The following RRBP1 variants were observed in gnomAD, a reference collection of about 807,000 sequenced individuals.
RRBP1 encodes ribosome-binding protein 1.
In RRBP1, 94 loss-of-function variants were observed where a neutral mutation model predicts 165.2. The ratio of observed to expected loss-of-function variants is 0.57; its 90% CI spans 0.48 to 0.68. RRBP1 has a LOEUF of 0.68. RRBP1 is among the 30% of genes least tolerant of loss of function. The probability of loss-of-function intolerance (pLI) is 0.00; values close to 1 mark genes in which losing one functional copy is unlikely to be tolerated. For missense variants in RRBP1, 1,676 were observed against 1,763.0 expected (o/e 0.95, Z 0.88); for synonymous variants, 680 against 714.5 (o/e 0.95, Z 0.77).
rs113724212 is a variant in RRBP1 at position 17,630,787 on chromosome 20, G to T, written c.2611-826C>A. ...ATTATTCATTAACAAGCTTGTCTGG[G>T]GGCAGAACCAGGTAAGAGGGGCATC... On this transcript the variant is annotated intron_variant, in intron 8 of 24. Transcript: ENST00000377813. 7.5e-3 allele frequency among the ~76,000 whole-genome samples: 1,139 copies of T among 152,330 alleles called. 16 individuals carry two copies. Among genetic ancestry groups the T allele is most frequent in the African/African-American group, 0.026 (1,079 of 41,582 alleles).
chr20:17,617,497 T>A (rs1398324604), intron 20 of RRBP1, among the ~76,000 whole-genome samples: 1 of 152,156 alleles, frequency 6.6e-6, no homozygotes, highest in African/African-American at 2.4e-5. Context: ...CAGACATTCT[T>A]CCCTCCCTCT....
At chr20:17,676,024 G>A (rs765183380) in intron 2 of RRBP1, among the ~76,000 whole-genome samples, 6 of 152,178 alleles carry the variant, frequency 3.9e-5, no homozygotes, top group African/African-American at 9.7e-5. Context: ...CCTGGGCAAC[G>A]TGGCAAGACA....
At chr20:17,638,413 C>A (rs2036286452) in intron 5 of RRBP1, among the ~76,000 whole-genome samples, 1 of 152,328 alleles carries the variant, frequency 6.6e-6, no homozygotes, top group Admixed American at 6.5e-5. Context: ...CCTGGAGACA[C>A]CCTTCCCAGC....
rs1349023927 is a variant in RRBP1 at position 17,643,339 on chromosome 20, G to A, written c.1913-212C>T. ...TGACTCAACGATAGGTCCCTGCACC[G>A]TCCTAACTCGCCCATAGGAAGTCCC... On this transcript the variant is annotated intron_variant, in intron 3 of 24. Transcript: ENST00000377813. This position sits in a 1 kb window ranked among gnomAD's most constrained non-coding sequence, Gnocchi z 4.3. Among the ~76,000 whole-genome samples, 2 of 151,902 alleles carry A rather than the reference G, an allele frequency of 1.3e-5. No homozygotes were observed. The highest frequency in any genetic ancestry group is 1.9e-4 in the East Asian group (1 of 5,174).
In RRBP1 at chr20:17,643,154, G is replaced by A; in HGVS notation, c.1913-27C>T. On this transcript the variant is annotated intron_variant, in intron 3 of 24. Transcript: ENST00000377813. The surrounding 1 kb of genome is among the most constrained non-coding windows in gnomAD (Gnocchi z 4.3). Reference sequence around the variant, plus strand: ...TGTGCAGCAAGAGGGAAAGAGCTGAGACTTAGGCCCATAAGCCACAACACA... The same window carrying A: ...TGTGCAGCAAGAGGGAAAGAGCTGAAACTTAGGCCCATAAGCCACAACACA... 1 of 1,609,700 alleles carries A rather than the reference G, an allele frequency of 6.2e-7. No homozygotes were observed. The highest frequency in any genetic ancestry group is 1.3e-5 in the African/African-American group (1 of 75,004).
At chr20:17,671,887 G>A (rs1003138923) in intron 2 of RRBP1, among the ~76,000 whole-genome samples, 1 of 152,298 alleles carries the variant, frequency 6.6e-6, no homozygotes, top group Middle Eastern at 3.4e-3. Flanking sequence ...TTAGAAGACC[G>A]GTTCAGGCCA....
Position 17,620,867 on chromosome 20 carries a change from C to T in RRBP1, c.3415-60G>A, listed in dbSNP as rs952755566. Reference sequence around the variant, plus strand: ...CCTCCCGAGACCCGCACCACACAACCGCATCTTCCTGTCCCTGCAGCCCTG... The same window carrying T: ...CCTCCCGAGACCCGCACCACACAACTGCATCTTCCTGTCCCTGCAGCCCTG... On this transcript the variant is annotated intron_variant, in intron 16 of 24. Coordinates refer to ENST00000377813, the MANE Select transcript of RRBP1 (RefSeq NM_001365613.2). 1.4e-5 allele frequency: 17 copies of T among 1,247,510 alleles called. No individual in the cohort carries two copies. In the African/African-American group the frequency reaches 1.8e-4, roughly 13 times the overall value. The allele number at this position is 1,247,510 out of a possible 1,614,324, so 77.3% of individuals were successfully genotyped here. A position where few individuals can be genotyped will look rare whatever the true frequency, so the allele number is the denominator to read the frequency against.
rs764142933 is a variant in RRBP1 at position 17,627,579 on chromosome 20, G to A, written c.2853C>T (p.Ser951=). 2 of 1,613,460 alleles carry A rather than the reference G, an allele frequency of 1.2e-6. No individual in the cohort carries two copies. Among genetic ancestry groups the A allele is most frequent in the Non-Finnish European group, 1.7e-6 (2 of 1,179,956 alleles). ...TGGAACGGATTCTCTCTGTGAGCTG[G>A]GAGTTCTCCGCCCTGGCCTCCTGGA... ...GQLQEARAEN[S]QLTERIRSIE... is the part of the protein sequence containing the mutation. The change falls in exon 10 of 25, where the codon TCC becomes TCT. Residue 951 remains serine, a synonymous_variant. Coordinates refer to ENST00000377813, the MANE Select transcript of RRBP1 (RefSeq NM_001365613.2).
At chr20:17,652,753 C>A (rs1275795300) in intron 3 of RRBP1, among the ~76,000 whole-genome samples, 1 of 152,202 alleles carries the variant, frequency 6.6e-6, no homozygotes, top group African/African-American at 2.4e-5. Context: ...CCAGTGGGGG[C>A]CGCCGCAGCC....
intron 4 of RRBP1, 151 bp from the exon 5 acceptor site, chr20:17,642,070 G>A: frequency 1.1e-6 from 1 of 908,142 alleles, no homozygotes. Flanking sequence ...TACTTGTGGG[G>A]AAAGGCGGCC....
At chr20:17,676,407 T>C (rs1441981637) in intron 2 of RRBP1, among the ~76,000 whole-genome samples, 1 of 152,022 alleles carries the variant, frequency 6.6e-6, no homozygotes, top group Non-Finnish European at 1.5e-5. Context: ...AGTTTCATTT[T>C]ATAGGAGGGA....
chr20:17,625,920 T>C lies in RRBP1; in HGVS notation c.2964-318A>G, dbSNP rs373862296. ...TGCCCTCAGAGCTCTCCTGGGGCCC[T>C]CACAGCTTTTCCCTGCATCATGTGA... On this transcript the variant is annotated intron_variant, in intron 11 of 24. Coordinates refer to ENST00000377813, the MANE Select transcript of RRBP1 (RefSeq NM_001365613.2). Among the ~76,000 whole-genome samples, 13 of 152,202 alleles carry C rather than the reference T, an allele frequency of 8.5e-5. No homozygotes were observed. In the East Asian group the frequency reaches 1.4e-3, roughly 16 times the overall value.
intron 13 of RRBP1, among the ~76,000 whole-genome samples, 163 bp downstream of exon 13, chr20:17,624,413 T>C (rs986675571): frequency 4.6e-5 from 7 of 152,200 alleles, no homozygotes; most frequent in Admixed American, 1.3e-4. Context: ...TGCATCTGTG[T>C]GTCCTAGTGC....
At chr20:17,663,202 C>T (rs1215523254) in intron 2 of RRBP1, among the ~76,000 whole-genome samples, 4 of 152,166 alleles carry the variant, frequency 2.6e-5, no homozygotes, top group Non-Finnish European at 5.9e-5. Flanking sequence ...AACAGCCACG[C>T]ACAAAGCGGG....
intron 9 of RRBP1, 68 bp downstream of exon 9, chr20:17,629,755 G>C (rs1026502642): frequency 2.9e-5 from 44 of 1,506,226 alleles, no homozygotes; most frequent in Non-Finnish European, 3.8e-5. Context: ...CACTGGCAGT[G>C]GGGCTGGGCC....
Position 17,658,766 on chromosome 20 carries a change from T to C in RRBP1, c.1742A>G (p.Glu581Gly). 1 of 1,613,894 alleles carries C rather than the reference T, an allele frequency of 6.2e-7. No homozygotes were observed. Among genetic ancestry groups the C allele is most frequent in the Non-Finnish European group, 8.5e-7 (1 of 1,179,820 alleles). ...EGSPSEGKKA[E>G]GSPNQGKKAD... ...CTTTTTGCCTTGGTTGGGGGACCCT[T>C]CTGCCTTTTTGCCTTCACTGGGGGA... Residue 581 changes from glutamate (E) to glycine (G), a missense_variant, in exon 3 of 25, where the codon GAA becomes GGA. Glu to Gly is a moderately conservative substitution (Grantham distance 98). Around this residue, in one of 5 missense-constraint regions of RRBP1, gnomAD observed 1,184 missense variants for 1,167.1 expected, o/e 1.01. Coordinates refer to ENST00000377813, the MANE Select transcript of RRBP1 (RefSeq NM_001365613.2).
In RRBP1 at chr20:17,660,397, T is replaced by A. The variant is rs769888562; in HGVS notation, c.111A>T (p.Ser37=). The change falls in exon 3 of 25, where the codon TCA becomes TCT. Residue 37 remains serine (S), a synonymous_variant. Transcript: ENST00000377813. Reference sequence around the variant, plus strand: ...GCTGGTTGGCTAGGGCTTCTTCATATGACGTTTCCTTCATGGAGAAAGTCG... The same window carrying A: ...GCTGGTTGGCTAGGGCTTCTTCATAAGACGTTTCCTTCATGGAGAAAGTCG... The part of the protein sequence containing the change: ...LVSTFSMKET[S]YEEALANQRK... 4 of 1,614,098 alleles carry A rather than the reference T, an allele frequency of 2.5e-6. No individual in the cohort carries two copies. In the East Asian group the frequency reaches 8.9e-5, roughly 36 times the overall value.
At chr20:17,670,499 T>C (rs1172925449) in intron 2 of RRBP1, among the ~76,000 whole-genome samples, 1 of 151,854 alleles carries the variant, frequency 6.6e-6, no homozygotes, top group Non-Finnish European at 1.5e-5. Flanking sequence ...AACAAATCTT[T>C]ACCCCCCCAA....
chr20:17,624,422 GCTT>G (rs1380168132), intron 13 of RRBP1, among the ~76,000 whole-genome samples, 151 bp downstream of exon 13: 1 of 152,186 alleles, frequency 6.6e-6, no homozygotes, highest in African/African-American at 2.4e-5. Flanking sequence ...GTGTCCTAGT[GCTT>G]CTATGCGTTC....
Sources: gnomAD v4.1 joint callset for allele counts (sites outside exome capture counted in the v4.1 genomes callset) on GRCh38, gnomAD v4.1.1 for gene constraint, gnomAD v4.1.1 regional missense constraint, Gnocchi (gnomAD v3.1) non-coding constraint, MANE v1.5 for transcripts, NCBI Gene and HGNC (gene_info 2026-07-23, HGNC 2026-07-21) for gene names.